DGKB: variants seen among roughly 807,000 people sequenced by gnomAD.
DGKB encodes the protein diacylglycerol kinase beta.
In DGKB, 67 loss-of-function variants were observed where a neutral mutation model predicts 114.3. That is an observed-to-expected ratio of 0.59 (90% CI 0.48 to 0.72). DGKB has a LOEUF of 0.72. DGKB is among the 30% of genes least tolerant of loss of function. The pLI is 0.00. For missense variants in DGKB, 907 were observed against 975.2 expected, an observed-to-expected ratio of 0.93 and a Z score of 0.93; for synonymous variants, 398 against 323.1, an observed-to-expected ratio of 1.23 and a Z score of -2.49.
At chr7:14,911,348 G>T (rs890282569) in intron 1 of DGKB, among the ~76,000 whole-genome samples, 1 of 152,032 alleles carries the variant, frequency 6.6e-6, no homozygotes, top group Non-Finnish European at 1.5e-5. Flanking sequence ...ATATTCTGGT[G>T]TTGGAGTATA....
intron 2 of DGKB, among the ~76,000 whole-genome samples, chr7:14,807,622 TAGAA>T (rs1842933060): frequency 6.6e-6 from 1 of 152,004 alleles, no homozygotes; most frequent in Non-Finnish European, 1.5e-5. Flanking sequence ...TAAAACGACG[TAGAA>T]AGAGATAGAT....
chr7:14,471,410 T>C (rs78496242), intron 21 of DGKB, among the ~76,000 whole-genome samples: 8 of 136,028 alleles, frequency 5.9e-5, no homozygotes, highest in African/African-American at 2.3e-4. Context: ...AGCATACATA[T>C]ATGTATAAGG....
chr7:14,666,781 TA>T (rs373736313), intron 13 of DGKB, among the ~76,000 whole-genome samples: 2 of 151,468 alleles, frequency 1.3e-5, no homozygotes, highest in Admixed American at 6.6e-5. Context: ...TTTTTTTTCT[TA>T]AAAAAAAGCA....
chr7:14,884,920 C>T (rs1854794385), intron 1 of DGKB, among the ~76,000 whole-genome samples: 1 of 151,880 alleles, frequency 6.6e-6, no homozygotes, highest in African/African-American at 2.4e-5. Context: ...GCCTGCTTTC[C>T]TTAAATCACG....
chr7:14,706,042 C>T (rs1271080970), intron 6 of DGKB, among the ~76,000 whole-genome samples: 9 of 146,370 alleles, frequency 6.1e-5, no homozygotes, highest in African/African-American at 1.3e-4. Flanking sequence ...AGAGTCAAGA[C>T]CCATCAGTGT....
At chr7:14,704,542 C>A (rs1271981891) in intron 6 of DGKB, among the ~76,000 whole-genome samples, 3 of 151,906 alleles carry the variant, frequency 2.0e-5, no homozygotes, top group Admixed American at 1.3e-4. Context: ...GCGAGACCGA[C>A]GCAGAAGACG....
intron 2 of DGKB, among the ~76,000 whole-genome samples, chr7:14,782,076 G>C (rs1284542257): frequency 6.6e-6 from 1 of 152,136 alleles, no homozygotes; most frequent in East Asian, 1.9e-4. Context: ...CCAGGCTGAA[G>C]TGCAGTGGTG....
At chr7:14,349,696 A>G (rs1407224686) in intron 21 of DGKB, among the ~76,000 whole-genome samples, 1 of 152,190 alleles carries the variant, frequency 6.6e-6, no homozygotes, top group East Asian at 1.9e-4. Context: ...CAGATTCCAC[A>G]TGACAAATTG....
At chr7:14,564,582 A>G (rs945931187) in intron 20 of DGKB, among the ~76,000 whole-genome samples, 2 of 152,062 alleles carry the variant, frequency 1.3e-5, no homozygotes, top group African/African-American at 2.4e-5. Flanking sequence ...CACTCTGGTT[A>G]TTTGTATTTT....
At chr7:14,539,238 A>AG (rs1563445979) in intron 20 of DGKB, among the ~76,000 whole-genome samples, 1 of 152,160 alleles carries the variant, frequency 6.6e-6, no homozygotes, top group Non-Finnish European at 1.5e-5. Context: ...GATAGTAGTG[A>AG]GAATGTATAC....
intron 2 of DGKB, among the ~76,000 whole-genome samples, chr7:14,797,030 T>C (rs1203592660): frequency 1.3e-5 from 2 of 152,226 alleles, no homozygotes; most frequent in African/African-American, 4.8e-5. Context: ...CTTTTAAGGA[T>C]GGACTAAATG....
intron 20 of DGKB, among the ~76,000 whole-genome samples, chr7:14,552,754 T>A (rs1795284671): frequency 6.6e-6 from 1 of 152,214 alleles, no homozygotes; most frequent in Non-Finnish European, 1.5e-5. Flanking sequence ...AAATTAAATG[T>A]TTTCCAATAG....
At chr7:14,297,790 G>A (rs544630597) in intron 23 of DGKB, among the ~76,000 whole-genome samples, 2 of 152,226 alleles carry the variant, frequency 1.3e-5, no homozygotes, top group South Asian at 4.1e-4. Context: ...CGACATGATT[G>A]TTTATTTAGA....
chr7:14,453,192 G>A (rs1831786489), intron 21 of DGKB, among the ~76,000 whole-genome samples: 1 of 152,220 alleles, frequency 6.6e-6, no homozygotes, highest in South Asian at 2.1e-4. Context: ...GGCACAGAAA[G>A]GGTTAAGCTG....
chr7:14,715,358 A>G (rs1828015914), intron 6 of DGKB, among the ~76,000 whole-genome samples: 1 of 152,162 alleles, frequency 6.6e-6, no homozygotes, highest in Admixed American at 6.5e-5. Context: ...AAGCCACAGG[A>G]TTTGAGGGTA....
At chr7:14,640,085 A>C (rs1382781960) in intron 13 of DGKB, among the ~76,000 whole-genome samples, 1 of 152,332 alleles carries the variant, frequency 6.6e-6, no homozygotes, top group Middle Eastern at 3.4e-3. Context: ...CTTTCACTGG[A>C]ATGAGTTCTA....
chr7:14,942,143 A>T (rs993604254), intron 1 of DGKB, among the ~76,000 whole-genome samples: 3 of 151,804 alleles, frequency 2.0e-5, no homozygotes, highest in African/African-American at 7.3e-5. Flanking sequence ...TAGGCAAAAC[A>T]ATTTGTTTAA....
chr7:14,224,689 C>T lies in DGKB; in HGVS notation c.2123-46538G>A, dbSNP rs140182586. Among the ~76,000 whole-genome samples the T allele has an allele frequency of 4.6e-3, 702 of 151,894 alleles. 5 individuals carry two copies. The highest frequency in any genetic ancestry group is 0.01 in the Middle Eastern group (3 of 294). ...TGGCTTATCTTTGTGAATTCTAGTC[C>T]ACCACCACCACCAAATGCCCCATTT... On this transcript the variant is annotated intron_variant, in intron 23 of 25. Coordinates refer to ENST00000402815, the MANE Select transcript of DGKB (RefSeq NM_001350709.2).
At chr7:14,552,858 C>G (rs558155683) in intron 20 of DGKB, among the ~76,000 whole-genome samples, 1 of 152,254 alleles carries the variant, frequency 6.6e-6, no homozygotes, top group East Asian at 1.9e-4. Flanking sequence ...CTCAAAGCCA[C>G]AAGGACAAGA....
Sources: gnomAD v4.1 joint callset for allele counts (sites outside exome capture counted in the v4.1 genomes callset) on GRCh38, gnomAD v4.1.1 for gene constraint, MANE v1.5 for transcripts, NCBI Gene and HGNC (gene_info 2026-07-23, HGNC 2026-07-21) for gene names.